The following GCFC2 variants were observed in gnomAD, a reference collection of about 807,000 sequenced individuals.
GCFC2 encodes intron Large complex component GCFC2.
GCFC2 carries 102 observed loss-of-function variants against 99.4 expected under a neutral mutation model. The ratio of observed to expected loss-of-function variants is 1.03; its 90% CI spans 0.87 to 1.21. The LOEUF (loss-of-function observed/expected upper bound fraction) is 1.21, where lower values mean the gene tolerates loss of function less well. Ranked by LOEUF, GCFC2 falls within the 50% of genes most tolerant of loss-of-function variation. The probability of loss-of-function intolerance (pLI) is 0.00; values close to 1 mark genes in which losing one functional copy is unlikely to be tolerated. For missense variants in GCFC2, 973 were observed against 920.9 expected (o/e 1.06, Z -0.73); for synonymous variants, 338 against 316.8 (o/e 1.07, Z -0.71).
chr2:75,680,434 G>A, intron 11 of GCFC2, 120 bp from the exon 12 acceptor site: 1 of 686,644 alleles, frequency 1.5e-6, no homozygotes, highest in Non-Finnish European at 2.4e-6. Flanking sequence ...AAGTTCCATG[G>A]CCAATTATTA....
Position 75,702,387 on chromosome 2 carries a change from C to T in GCFC2, c.431G>A (p.Arg144His), listed in dbSNP as rs41286007. The change falls in exon 3 of 17, where the codon CGC becomes CAC. Residue 144 changes from arginine to histidine, a missense_variant. Transcript: ENST00000321027. ...GGCCCTGGCCAATTCACGTTTTCTG[C>T]GGGCTGCCTGAATAAAAGCTGCATC... Reference protein sequence around the residue: ...IPDAAFIQAARRKRELARAQD... With the variant: ...IPDAAFIQAAHRKRELARAQD... 15,277 of 1,612,558 alleles carry T rather than the reference C, an allele frequency of 9.5e-3. 103 individuals are homozygous for T. Among genetic ancestry groups the T allele is most frequent in the African/African-American group, 0.014 (1,068 of 74,980 alleles).
chr2:75,688,019 C>T (rs1252419532), intron 10 of GCFC2, 42 bp from the exon 11 acceptor site: 20 of 1,209,424 alleles, frequency 1.7e-5, no homozygotes, highest in Non-Finnish European at 2.2e-5. Context: ...AATCTTTCAA[C>T]ATTAGTGTAT....
At chr2:75,667,986 C>T (rs1678924776) in intron 15 of GCFC2, among the ~76,000 whole-genome samples, 1 of 152,116 alleles carries the variant, frequency 6.6e-6, no homozygotes, top group Non-Finnish European at 1.5e-5. Flanking sequence ...CATTAGCAAC[C>T]AGATGAATCA....
chr2:75,708,116 A>G (rs1400112358), intron 1 of GCFC2, among the ~76,000 whole-genome samples: 1 of 152,222 alleles, frequency 6.6e-6, no homozygotes, highest in Admixed American at 6.5e-5. Context: ...TACTTGAAAG[A>G]ATGACTAACA....
chr2:75,674,835 T>C (rs1159863605), intron 12 of GCFC2, among the ~76,000 whole-genome samples: 1 of 152,140 alleles, frequency 6.6e-6, no homozygotes, highest in Non-Finnish European at 1.5e-5. Flanking sequence ...AACATATTCC[T>C]CAAGTGGCCA....
intron 2 of GCFC2, among the ~76,000 whole-genome samples, chr2:75,703,575 A>T (rs1680704124): frequency 6.6e-6 from 1 of 152,202 alleles, no homozygotes. Context: ...TTGCTTTTTT[A>T]TAGATTAGTA....
intron 11 of GCFC2, among the ~76,000 whole-genome samples, chr2:75,682,844 C>G (rs1336001985): frequency 1.3e-5 from 2 of 151,746 alleles, no homozygotes; most frequent in African/African-American, 2.4e-5. Context: ...GAAAGGATAT[C>G]AGAGACTGAA....
chr2:75,667,950 T>G (rs538890187), intron 15 of GCFC2, among the ~76,000 whole-genome samples: 1 of 152,190 alleles, frequency 6.6e-6, no homozygotes. Context: ...CTAATTGATA[T>G]ATAGTTTTAT....
At position 75,675,708 on chromosome 2, in the gene GCFC2, CA is replaced by C. The variant is rs61462175; in HGVS notation, c.1813-2189del. On this transcript the variant is annotated intron_variant, in intron 12 of 16. Transcript: ENST00000321027. The stretch of plus-strand genomic sequence containing the variant: ...GCAGTGAGCTGAGATTGCACCACTG[CA>C]CTCCAGCCTGGGTGACAGAGTAAGG... 6.7e-3 allele frequency among the ~76,000 whole-genome samples: 970 copies of C among 143,918 alleles called. 8 individuals carry two copies. The highest frequency in any genetic ancestry group is 0.019 in the African/African-American group (705 of 37,984). 94.4% of individuals were successfully genotyped at this position (143,918 alleles called of 152,430 possible). A position where few individuals can be genotyped will look rare whatever the true frequency, so the allele number is the denominator to read the frequency against.
At chr2:75,712,540 A>C (rs530601031), upstream of GCFC2, among the ~76,000 whole-genome samples, 1 of 152,244 alleles carries the variant, frequency 6.6e-6, no homozygotes, top group African/African-American at 2.4e-5. Context: ...AAGAGAATAA[A>C]AGCAGGCTGC....
chr2:75,710,271 A>G (rs1681083248), intron 1 of GCFC2, among the ~76,000 whole-genome samples: 1 of 152,206 alleles, frequency 6.6e-6, no homozygotes, highest in African/African-American at 2.4e-5. Context: ...TTGTTGTGAC[A>G]GTTTAGGTTC....
rs190351320 is a variant in GCFC2, at chr2:75,663,428, A to G, written c.*1238T>C. On this transcript the variant is annotated 3_prime_UTR_variant, in exon 17 of 17. Coordinates refer to ENST00000321027, the MANE Select transcript of GCFC2 (RefSeq NM_003203.5). ...CTTGCCTCTGTTTTATTAGACAAAT[A>G]TTTTATCAGAAAATGAATCACATGT... 1.3e-5 allele frequency: 2 copies of G among 152,334 alleles called. No homozygotes were observed. The highest frequency in any genetic ancestry group is 4.8e-5 in the African/African-American group (2 of 41,578). The allele number at this position is 152,334 out of a possible 1,614,324, so 9.4% of individuals were successfully genotyped here.
At chr2:75,711,041 CGAGTTCTGTTCTGGGGCCT>C, upstream of GCFC2, 3 of 1,334,768 alleles carry the variant, frequency 2.2e-6, no homozygotes, top group Non-Finnish European at 2.9e-6. Context: ...TCTGGTAGGC[CGAGTTCTGTTCTGGGGCCT>C]GAGTTTGCAA....
chr2:75,667,086 G>C (rs1678877571), intron 15 of GCFC2, among the ~76,000 whole-genome samples: 1 of 152,206 alleles, frequency 6.6e-6, no homozygotes, highest in South Asian at 2.1e-4. Flanking sequence ...AGGTGTATGT[G>C]TAAGAATGCT....
intron 4 of GCFC2, among the ~76,000 whole-genome samples, chr2:75,698,442 T>C (rs988066739): frequency 1.3e-5 from 2 of 152,150 alleles, no homozygotes; most frequent in African/African-American, 4.8e-5. Flanking sequence ...AAATGAAGAA[T>C]GGTTAAGATT....
rs1299207001 is a variant in GCFC2, at chr2:75,670,298, TCAAGTAAATATGTACCTTTTCTC to T, written c.1957-37_1957-15del. On this transcript the variant is annotated splice_polypyrimidine_tract_variant and intron_variant, in intron 14 of 16. Transcript: ENST00000321027. The stretch of plus-strand genomic sequence containing the variant: ...ATTGCGGAAGAGCTAAAATAAAATA[TCAAGTAAATATGTACCTTTTCTC>T]CAAAGAGAAACTGTAATAGTCTCTA... 2 of 1,549,050 alleles carry T rather than the reference TCAAGTAAATATGTACCTTTTCTC, an allele frequency of 1.3e-6. No homozygotes were observed.
chr2:75,665,067 T>A (rs1426332193), intron 16 of GCFC2, among the ~76,000 whole-genome samples: 1 of 152,188 alleles, frequency 6.6e-6, no homozygotes, highest in Non-Finnish European at 1.5e-5. Context: ...GCTGCGTTGC[T>A]ATTAGCTTGT....
At chr2:75,711,724 G>A (rs1357171238), upstream of GCFC2, among the ~76,000 whole-genome samples, 4 of 152,230 alleles carry the variant, frequency 2.6e-5, no homozygotes, top group Non-Finnish European at 5.9e-5. Context: ...CCGGGCCAGC[G>A]GCTACAGAGG....
intron 15 of GCFC2, 51 bp downstream of exon 15, chr2:75,670,087 T>C: frequency 1.5e-6 from 2 of 1,296,174 alleles, no homozygotes; most frequent in East Asian, 4.6e-5. Context: ...TTTTAATAGC[T>C]AAATTTTTTA....
Sources: gnomAD v4.1 joint callset for allele counts (sites outside exome capture counted in the v4.1 genomes callset) on GRCh38, gnomAD v4.1.1 for gene constraint, MANE v1.5 for transcripts, NCBI Gene and HGNC (gene_info 2026-07-23, HGNC 2026-07-21) for gene names.